The following MCM9 variants were observed in gnomAD, a reference collection of about 807,000 sequenced individuals.
MCM9 encodes DNA helicase MCM9.
Under a neutral mutation model 72.8 loss-of-function variants are expected in MCM9, and 55 were observed. The observed-to-expected ratio is 0.76, with a 90% CI of 0.61 to 0.95. The LOEUF (loss-of-function observed/expected upper bound fraction) is 0.95. MCM9 is among the 40% of genes least tolerant of loss of function. The probability of loss-of-function intolerance (pLI) is 0.00; values close to 1 mark genes in which losing one functional copy is unlikely to be tolerated. For missense variants in MCM9, 1,279 were observed against 1,377.0 expected, an observed-to-expected ratio of 0.93 and a Z score of 1.13; for synonymous variants, 480 against 503.4, an observed-to-expected ratio of 0.95 and a Z score of 0.62.
intron 9 of MCM9, among the ~76,000 whole-genome samples, chr6:118,830,128 T>C (rs1183594242): frequency 6.6e-6 from 1 of 152,230 alleles, no homozygotes; most frequent in Non-Finnish European, 1.5e-5. Context: ...TTTAAACTAA[T>C]TAATGATGGG....
chr6:118,831,330 G>A (rs1774537218), intron 9 of MCM9, among the ~76,000 whole-genome samples: 2 of 110,752 alleles, frequency 1.8e-5, no homozygotes, highest in Non-Finnish European at 1.7e-5. Context: ...CACAAAGCAA[G>A]AGACCATCTC....
At chr6:118,892,208 T>TAC (rs1778992991) in intron 8 of MCM9, among the ~76,000 whole-genome samples, 2 of 152,242 alleles carry the variant, frequency 1.3e-5, no homozygotes, top group Non-Finnish European at 2.9e-5. Context: ...ATACAAGAGT[T>TAC]AAGACAGGAG....
rs992362041 is a variant in MCM9 at position 118,814,770 on chromosome 6, A to C, written c.*54T>G. The stretch of plus-strand genomic sequence containing the variant: ...TTATAAATACCATATTGATATCCTG[A>C]AGGTCCTCTGTGGAGTTGAAGAAGG... On this transcript the variant is annotated 3_prime_UTR_variant, in exon 14 of 14. Transcript: ENST00000619706. 1.4e-6 allele frequency: 2 copies of C among 1,433,092 alleles called. No homozygotes were observed. The highest frequency in any genetic ancestry group is 1.8e-6 in the Non-Finnish European group (2 of 1,082,414). 88.8% of individuals were successfully genotyped at this position (1,433,092 alleles called of 1,614,324 possible).
At chr6:118,843,311 T>C (rs1583404632) in intron 9 of MCM9, among the ~76,000 whole-genome samples, 1 of 150,908 alleles carries the variant, frequency 6.6e-6, no homozygotes, top group African/African-American at 2.4e-5. Flanking sequence ...CTCTCTGCAG[T>C]GCATATAAGT....
In MCM9 at chr6:118,852,506, C is replaced by T. The variant is rs181106926; in HGVS notation, c.1325+3865G>A. 2.6e-5 allele frequency among the ~76,000 whole-genome samples: 4 copies of T among 152,112 alleles called. No individual in the cohort carries two copies. The East Asian group carries it at 7.7e-4, about 29-fold the overall frequency. Reference sequence around the variant, plus strand: ...GGATTTTACTGATCATAAATGGTATCGCCTCCCCAGGCACTATTATTACTT... The same window carrying T: ...GGATTTTACTGATCATAAATGGTATTGCCTCCCCAGGCACTATTATTACTT... On this transcript the variant is annotated intron_variant, in intron 9 of 13. Coordinates refer to ENST00000619706, the MANE Select transcript of MCM9 (RefSeq NM_017696.3).
chr6:118,866,542 A>C (rs779492466), intron 8 of MCM9, among the ~76,000 whole-genome samples: 5 of 152,242 alleles, frequency 3.3e-5, no homozygotes, highest in Non-Finnish European at 5.9e-5. Context: ...CTATAACTTA[A>C]CTGAAAAATT....
At chr6:118,920,902 T>G (rs971069459) in intron 5 of MCM9, 1 of 152,146 alleles carries the variant, frequency 6.6e-6, no homozygotes, top group East Asian at 1.9e-4. Context: ...GACTAAAACA[T>G]CACCCTTCCA....
intron 8 of MCM9, chr6:118,894,143 AG>A: frequency 1.1e-5 from 14 of 1,222,264 alleles, no homozygotes; most frequent in Non-Finnish European, 1.3e-5. Context: ...TCGCTGGAGG[AG>A]GAGGGTCAGA....
rs1356923165 is a variant in MCM9, at chr6:118,826,312, C to G, written c.1816-20G>C. ...ACCTCCCTGAAGGGGTGAGAAAATA[C>G]CAGGAGAGTCACCAGGCCAGCCTGC... is the stretch of plus-strand genomic sequence containing the variant. On this transcript the variant is annotated intron_variant, in intron 12 of 13. Coordinates refer to ENST00000619706, the MANE Select transcript of MCM9 (RefSeq NM_017696.3). 6.5e-7 allele frequency: 1 copy of G among 1,544,482 alleles called. No individual in the cohort carries two copies.
intron 8 of MCM9, among the ~76,000 whole-genome samples, chr6:118,888,637 T>C (rs1778752505): frequency 6.6e-6 from 1 of 152,200 alleles, no homozygotes; most frequent in Non-Finnish European, 1.5e-5. Context: ...CATATGTTAA[T>C]AGCAGCATTT....
chr6:118,831,149 T>C (rs1395247747), intron 9 of MCM9, among the ~76,000 whole-genome samples: 1 of 151,992 alleles, frequency 6.6e-6, no homozygotes, highest in Non-Finnish European at 1.5e-5. Flanking sequence ...GCTCAGGAGT[T>C]TGAAACCAGC....
At chr6:118,824,545 G>C (rs1427881561) in intron 13 of MCM9, among the ~76,000 whole-genome samples, 1 of 152,110 alleles carries the variant, frequency 6.6e-6, no homozygotes, top group Admixed American at 6.6e-5. Context: ...CTGACCTCAA[G>C]TGATCTGCCC....
chr6:118,934,782 C>T, intron 1 of MCM9, 109 bp downstream of exon 1: 1 of 152,440 alleles, frequency 6.6e-6, no homozygotes, highest in Non-Finnish European at 1.5e-5. Flanking sequence ...GCTCCCGTGC[C>T]TGTCCGGTCC....
In MCM9 at chr6:118,905,741, A is replaced by G. The variant is rs756591658; in HGVS notation, c.1150+5909T>C. On this transcript the variant is annotated intron_variant, in intron 8 of 13. Coordinates refer to ENST00000619706, the MANE Select transcript of MCM9 (RefSeq NM_017696.3). ...TTACTTGTACCTATCGAGGACAAGA[A>G]TTTATTAGAGTTGGCTATTATGTAA... The G allele has an allele frequency of 6.2e-6, 10 of 1,613,616 alleles. No individual in the cohort carries two copies. In the East Asian group the frequency reaches 1.6e-4, roughly 25 times the overall value.
intron 10 of MCM9, among the ~76,000 whole-genome samples, chr6:118,828,751 T>C (rs768822200): frequency 1.1e-4 from 17 of 152,218 alleles, no homozygotes; most frequent in Non-Finnish European, 2.4e-4. Context: ...TCTGGTTTTA[T>C]ATGCAAGAGG....
chr6:118,846,668 T>G (rs150653327), intron 9 of MCM9, among the ~76,000 whole-genome samples: 13 of 151,794 alleles, frequency 8.6e-5, no homozygotes, highest in African/African-American at 3.2e-4. Context: ...AAGCAGTGGA[T>G]ATTAAACATC....
chr6:118,873,683 A>C (rs1777757652), intron 8 of MCM9, among the ~76,000 whole-genome samples: 1 of 152,224 alleles, frequency 6.6e-6, no homozygotes, highest in Non-Finnish European at 1.5e-5. Context: ...TTCACTGGTA[A>C]ATTTTACCAA....
chr6:118,894,591 G>C, intron 8 of MCM9: 2 of 1,349,392 alleles, frequency 1.5e-6, no homozygotes, highest in Non-Finnish European at 2.0e-6. Context: ...TCCCGGGCCG[G>C]GCCTCGCGCT....
chr6:118,890,069 C>T (rs1164753007), intron 8 of MCM9, among the ~76,000 whole-genome samples: 3 of 152,212 alleles, frequency 2.0e-5, no homozygotes, highest in African/African-American at 7.2e-5. Context: ...GGAGGCTTGA[C>T]ATCTGTAGTA....
Sources: allele counts gnomAD v4.1 joint callset (sites outside exome capture counted in the v4.1 genomes callset), GRCh38; gene constraint gnomAD v4.1.1; transcripts MANE v1.5; gene names NCBI Gene and HGNC (gene_info 2026-07-23, HGNC 2026-07-21).